ADAM22: variants seen among roughly 807,000 people sequenced by gnomAD.
The protein encoded by ADAM22 is ADAM metallopeptidase domain 22.
Under a neutral mutation model 144.6 loss-of-function variants are expected in ADAM22, and 65 were observed. The observed-to-expected ratio is 0.45, with a 90% confidence interval of 0.37 to 0.55. The LOEUF (loss-of-function observed/expected upper bound fraction) is 0.55. Ranked by LOEUF, ADAM22 falls within the 20% of genes least tolerant of loss-of-function variation. ADAM22 has a pLI of 0.00. For synonymous variants in ADAM22, 391 were observed against 412.6 expected, an observed-to-expected ratio of 0.95 and a Z score of 0.63; for missense variants, 974 against 1,184.9, an observed-to-expected ratio of 0.82 and a Z score of 2.61.
At chr7:88,195,808 C>T (rs375699003) in intron 31 of ADAM22, among the ~76,000 whole-genome samples, 4 of 152,158 alleles carry the variant, frequency 2.6e-5, no homozygotes, top group African/African-American at 4.8e-5. Flanking sequence ...TGAGCCACCA[C>T]GCCCGGCTGA....
At chr7:88,003,108 T>C (rs777626790) in intron 3 of ADAM22, among the ~76,000 whole-genome samples, 9 of 152,178 alleles carry the variant, frequency 5.9e-5, no homozygotes, top group Admixed American at 3.3e-4. Flanking sequence ...AAATTTTATC[T>C]GGGAAAGGCA....
rs1829609484 is a variant in ADAM22 at position 88,122,767 on chromosome 7, A to G, written c.608-2822A>G. On this transcript the variant is annotated intron_variant, in intron 7 of 31. Coordinates refer to ENST00000413139, the MANE Select transcript of ADAM22 (RefSeq NM_001324418.2). ...GGAAAATTCGAGAAACAAGAAAGACACTGACATTGCAGTTCTGAAATTCTG... is the reference window on the plus strand; with the variant it reads ...GGAAAATTCGAGAAACAAGAAAGACGCTGACATTGCAGTTCTGAAATTCTG... Among the ~76,000 whole-genome samples, 3 of 152,184 alleles carry G rather than the reference A, an allele frequency of 2.0e-5. No individual in the cohort carries two copies. The South Asian group carries it at 6.2e-4, about 31-fold the overall frequency.
intron 22 of ADAM22, 79 bp from the exon 23 acceptor site, chr7:88,162,933 C>T: frequency 6.6e-7 from 1 of 1,509,184 alleles, no homozygotes; most frequent in Non-Finnish European, 9.1e-7. Context: ...GCAATATTGC[C>T]TGCTTTTAAG....
At chr7:88,147,061 C>G (rs1294824192) in intron 17 of ADAM22, among the ~76,000 whole-genome samples, 1 of 152,152 alleles carries the variant, frequency 6.6e-6, no homozygotes, top group East Asian at 1.9e-4. Flanking sequence ...ACACTGTTTT[C>G]CCTTTGATTT....
At position 88,163,132 on chromosome 7, in the gene ADAM22, T is replaced by C. The variant is rs1310119948; in HGVS notation, c.2028T>C (p.Phe676=). The C allele has an allele frequency of 1.9e-6, 3 of 1,612,132 alleles. No homozygotes were observed. Among genetic ancestry groups the C allele is most frequent in the Non-Finnish European group, 2.5e-6 (3 of 1,178,990 alleles). ...HRCLPVASFN[F]STCLSSKEGT... ...GTCTTCCTGTGGCTTCTTTCAACTT[T>C]AGTACTTGCTTGAGCAGTAAAGAAG... Residue 676 remains phenylalanine, a synonymous_variant, in exon 23 of 32, where the codon TTT becomes TTC. Transcript: ENST00000413139.
In ADAM22 at chr7:88,201,158, T is replaced by A. The variant is rs10233494; in HGVS notation, c.*4667T>A. ...TTCATTGCTTTGTTAGTCCCGCAAA[T>A]GGAGCAACTTCTGGTTGTTTGTAAG... On this transcript the variant is annotated 3_prime_UTR_variant, in exon 32 of 32. Coordinates refer to ENST00000413139, the MANE Select transcript of ADAM22 (RefSeq NM_001324418.2). 6.6e-6 allele frequency: 1 copy of A among 152,208 alleles called. No individual in the cohort carries two copies. Among genetic ancestry groups the A allele is most frequent in the African/African-American group, 2.4e-5 (1 of 41,444 alleles). 9.4% of individuals were successfully genotyped at this position (152,208 alleles called of 1,614,324 possible). A position where few individuals can be genotyped will look rare whatever the true frequency, so the allele number is the denominator to read the frequency against.
At chr7:88,058,937 A>AGT (rs1809018076) in intron 3 of ADAM22, among the ~76,000 whole-genome samples, 1 of 152,206 alleles carries the variant, frequency 6.6e-6, no homozygotes, top group Admixed American at 6.5e-5. Flanking sequence ...TCCTGGCAGA[A>AGT]GTAGGAGGTT....
intron 3 of ADAM22, among the ~76,000 whole-genome samples, chr7:88,005,659 T>G (rs1268872528): frequency 6.6e-6 from 1 of 152,172 alleles, no homozygotes; most frequent in African/African-American, 2.4e-5. Flanking sequence ...ATGCTAAATC[T>G]GTCACATTAA....
At chr7:88,092,952 T>C (rs1820324307) in intron 4 of ADAM22, among the ~76,000 whole-genome samples, 1 of 118,478 alleles carries the variant, frequency 8.4e-6, no homozygotes, top group East Asian at 8.4e-4. Context: ...TGGTATAAGA[T>C]TTTTTTTCCC....
In ADAM22 at chr7:88,104,386, T is replaced by C. The variant is rs575183779; in HGVS notation, c.391-3790T>C. 4.6e-5 allele frequency among the ~76,000 whole-genome samples: 7 copies of C among 152,208 alleles called. No individual in the cohort carries two copies. The East Asian group carries it at 1.4e-3, about 29-fold the overall frequency. On this transcript the variant is annotated intron_variant, in intron 4 of 31. Coordinates refer to ENST00000413139, the MANE Select transcript of ADAM22 (RefSeq NM_001324418.2). ...GGTACACAAAATGTGTCAAAAATGC[T>C]TACCATTTAGAAGGCATCTACAGCT...
intron 4 of ADAM22, 66 bp from the exon 5 acceptor site, chr7:88,108,110 C>T: frequency 7.5e-7 from 1 of 1,332,328 alleles, no homozygotes; most frequent in Non-Finnish European, 1.1e-6. Context: ...TAGAAACCTC[C>T]TGTGAAATGA....
rs1850971018 is a variant in ADAM22 at position 88,199,220 on chromosome 7, A to C, written c.*2729A>C. 6.6e-6 allele frequency: 1 copy of C among 152,222 alleles called. No homozygotes were observed. Among genetic ancestry groups the C allele is most frequent in the Non-Finnish European group, 1.5e-5 (1 of 68,048 alleles). 9.4% of individuals were successfully genotyped at this position (152,222 alleles called of 1,614,324 possible). ...GGCCGTATCACAGTTTATATCATGC[A>C]ACTAATATTTATATTTCCCAATCCA... is the stretch of plus-strand genomic sequence containing the variant. On this transcript the variant is annotated 3_prime_UTR_variant, in exon 32 of 32. Coordinates refer to ENST00000413139, the MANE Select transcript of ADAM22 (RefSeq NM_001324418.2).
chr7:88,021,830 A>G (rs1486069657), intron 3 of ADAM22, among the ~76,000 whole-genome samples: 2 of 152,082 alleles, frequency 1.3e-5, no homozygotes, highest in South Asian at 2.1e-4. Flanking sequence ...AGACAATGGT[A>G]TAAAGTTTAA....
chr7:87,990,608 T>C (rs929645631), intron 3 of ADAM22, among the ~76,000 whole-genome samples: 3 of 152,146 alleles, frequency 2.0e-5, no homozygotes, highest in African/African-American at 7.2e-5. Context: ...TTTTTCATTA[T>C]AGTTTTATCA....
intron 3 of ADAM22, among the ~76,000 whole-genome samples, chr7:87,996,026 A>G (rs1417350250): frequency 6.6e-6 from 1 of 152,140 alleles, no homozygotes; most frequent in Non-Finnish European, 1.5e-5. Flanking sequence ...TGCACTCTTG[A>G]TCTGGAAATT....
intron 3 of ADAM22, among the ~76,000 whole-genome samples, chr7:88,072,217 T>C (rs1486692233): frequency 1.3e-5 from 2 of 152,048 alleles, no homozygotes; most frequent in Non-Finnish European, 2.9e-5. Context: ...AATACTTGTA[T>C]ATAGAGGCTT....
chr7:88,088,853 C>T (rs1472609687), intron 4 of ADAM22, among the ~76,000 whole-genome samples: 2 of 152,008 alleles, frequency 1.3e-5, no homozygotes, highest in Admixed American at 6.6e-5. Context: ...ACACCGTGGA[C>T]TCCTTTTGTA....
chr7:88,052,769 C>T (rs1806862573), intron 3 of ADAM22, among the ~76,000 whole-genome samples: 1 of 152,142 alleles, frequency 6.6e-6, no homozygotes. Context: ...ATGTCCTTCC[C>T]CGGTCAGCTA....
At chr7:88,163,293 A>C in intron 23 of ADAM22, 113 bp downstream of exon 23, 1 of 863,558 alleles carries the variant, frequency 1.2e-6, no homozygotes, top group Non-Finnish European at 1.6e-6. Context: ...TCATATTTCT[A>C]GTTGGTATAT....
Sources: gnomAD v4.1 joint callset for allele counts (sites outside exome capture counted in the v4.1 genomes callset) on GRCh38, gnomAD v4.1.1 for gene constraint, MANE v1.5 for transcripts, NCBI Gene and HGNC (gene_info 2026-07-23, HGNC 2026-07-21) for gene names.